Variants in TYW1 observed in about 807,000 individuals in gnomAD.
TYW1 encodes the protein S-adenosyl-L-methionine-dependent tRNA 4-demethylwyosine synthase TYW1.
In TYW1, 46 loss-of-function variants were observed where a neutral mutation model predicts 96.2. That is an observed-to-expected ratio of 0.48 (90% CI 0.38 to 0.61). The LOEUF is 0.61. Ranked by LOEUF, TYW1 falls within the 20% of genes least tolerant of loss-of-function variation. The pLI, the probability that TYW1 is intolerant of heterozygous loss-of-function variation, is 0.00. For missense variants in TYW1, 684 were observed against 909.6 expected, an observed-to-expected ratio of 0.75 and a Z score of 3.19; for synonymous variants, 274 against 323.0, an observed-to-expected ratio of 0.85 and a Z score of 1.63.
At chr7:67,111,529 A>G (rs957884849) in intron 12 of TYW1, among the ~76,000 whole-genome samples, 2 of 152,218 alleles carry the variant, frequency 1.3e-5, no homozygotes, top group Admixed American at 1.3e-4. Context: ...AAACAAAAGT[A>G]TGAAAATGAT....
At position 67,208,467 on chromosome 7, in the gene TYW1, G is replaced by A. The variant is rs184056112; in HGVS notation, c.1977+13130G>A. ...AGCACTTTGGGAGGCCGAGGTGGGC[G>A]GATCATGAGGTCAGAAGTTCGAGAC... On this transcript the variant is annotated intron_variant, in intron 15 of 15. Coordinates refer to ENST00000359626, the MANE Select transcript of TYW1 (RefSeq NM_018264.4). Among the ~76,000 whole-genome samples, 544 of 152,162 alleles carry A rather than the reference G, an allele frequency of 3.6e-3. 2 individuals are homozygous for A. The highest frequency in any genetic ancestry group is 0.012 in the African/African-American group (512 of 41,498).
chr7:67,095,482 T>G (rs958797234), intron 11 of TYW1, among the ~76,000 whole-genome samples: 24 of 132,582 alleles, frequency 1.8e-4, no homozygotes, highest in African/African-American at 6.5e-4. Flanking sequence ...AAACCCCATC[T>G]CTACTAAAAA....
chr7:67,136,505 T>A (rs1798258884), intron 13 of TYW1, among the ~76,000 whole-genome samples: 1 of 151,744 alleles, frequency 6.6e-6, no homozygotes, highest in Non-Finnish European at 1.5e-5. Context: ...AGAAGAAAAT[T>A]GTTTTGTATT....
chr7:67,185,662 A>T (rs1431046368), intron 14 of TYW1, among the ~76,000 whole-genome samples: 1 of 151,850 alleles, frequency 6.6e-6, no homozygotes, highest in African/African-American at 2.4e-5. Context: ...TAAATTTGAG[A>T]TATCTTTTAA....
chr7:67,047,701 T>A (rs945896671), intron 7 of TYW1, among the ~76,000 whole-genome samples: 5 of 151,408 alleles, frequency 3.3e-5, no homozygotes, highest in Non-Finnish European at 5.9e-5. Context: ...TTCACTGATC[T>A]CCTATTTCAG....
chr7:67,131,321 A>T (rs1798066942), intron 13 of TYW1, among the ~76,000 whole-genome samples: 1 of 152,202 alleles, frequency 6.6e-6, no homozygotes, highest in Non-Finnish European at 1.5e-5. Context: ...GATGCCCTCT[A>T]TTGTCATTTT....
intron 7 of TYW1, among the ~76,000 whole-genome samples, chr7:67,042,103 G>T (rs1795048151): frequency 6.9e-6 from 1 of 145,624 alleles, no homozygotes; most frequent in Non-Finnish European, 1.5e-5. Flanking sequence ...TATATAATTA[G>T]AATTAGAATA....
chr7:67,039,633 A>G (rs1346476079), intron 7 of TYW1, among the ~76,000 whole-genome samples: 3 of 151,964 alleles, frequency 2.0e-5, no homozygotes, highest in Non-Finnish European at 1.5e-5. Flanking sequence ...AAAGCCCGAC[A>G]GACATTGAAA....
intron 15 of TYW1, among the ~76,000 whole-genome samples, chr7:67,205,562 C>G (rs118029379): frequency 0.026 from 3,894 of 151,634 alleles, 76 homozygotes; most frequent in Middle Eastern, 0.037. Context: ...AGGAGGAGGG[C>G]AGGATTCCCC....
rs561054991 is a variant in TYW1, at chr7:67,018,881, G to A, written c.861+738G>A. Among the ~76,000 whole-genome samples the A allele has an allele frequency of 4.6e-5, 7 of 150,702 alleles. 1 individual carries two copies. Among genetic ancestry groups the A allele is most frequent in the South Asian group, 4.2e-4 (2 of 4,710 alleles). On this transcript the variant is annotated intron_variant, in intron 6 of 15. Coordinates refer to ENST00000359626, the MANE Select transcript of TYW1 (RefSeq NM_018264.4). ...TGAGGCACGAGAATCGCTTGAACCC[G>A]GGAGGTGGAGGTTCCAGTGATCTGA... is the stretch of plus-strand genomic sequence containing the variant.
At chr7:67,127,040 G>A (rs10240815) in intron 13 of TYW1, among the ~76,000 whole-genome samples, 42,052 of 149,174 alleles carry the variant, frequency 0.28, 6,665 homozygotes, top group African/African-American at 0.44. Flanking sequence ...TTCACTTGTT[G>A]TTTTTTTAGT....
intron 13 of TYW1, among the ~76,000 whole-genome samples, chr7:67,124,641 T>C (rs1361358021): frequency 6.6e-6 from 1 of 152,192 alleles, no homozygotes; most frequent in Non-Finnish European, 1.5e-5. Context: ...TTTGCTTGTT[T>C]TTTAACTTTA....
intron 7 of TYW1, among the ~76,000 whole-genome samples, chr7:67,040,849 AAAAAAG>A: frequency 6.6e-6 from 1 of 152,122 alleles, no homozygotes; most frequent in African/African-American, 2.4e-5. Flanking sequence ...ATCTCAAAAA[AAAAAAG>A]AAAAAGAATT....
intron 13 of TYW1, among the ~76,000 whole-genome samples, chr7:67,175,792 T>A (rs1799654048): frequency 1.3e-5 from 2 of 152,364 alleles, no homozygotes; most frequent in Non-Finnish European, 2.9e-5. Flanking sequence ...TAATCTGATA[T>A]ATTTACCCAT....
intron 13 of TYW1, among the ~76,000 whole-genome samples, chr7:67,156,307 A>G (rs999984805): frequency 1.3e-5 from 2 of 152,240 alleles, no homozygotes; most frequent in Non-Finnish European, 2.9e-5. Context: ...CCTGGGAGAC[A>G]CGCAGGTGGT....
intron 13 of TYW1, among the ~76,000 whole-genome samples, chr7:67,161,153 A>G (rs1799153382): frequency 6.6e-6 from 1 of 152,252 alleles, no homozygotes; most frequent in Non-Finnish European, 1.5e-5. Flanking sequence ...GTTTTCTAGC[A>G]TAAAATACAT....
chr7:67,150,690 CAACT>C (rs1798766973), intron 13 of TYW1, among the ~76,000 whole-genome samples: 1 of 152,054 alleles, frequency 6.6e-6, no homozygotes, highest in Admixed American at 6.6e-5. Context: ...TTCTTTCTTG[CAACT>C]AAAATTTCAG....
intron 15 of TYW1, among the ~76,000 whole-genome samples, chr7:67,231,146 A>C (rs1801739673): frequency 6.6e-6 from 1 of 152,098 alleles, no homozygotes; most frequent in Non-Finnish European, 1.5e-5. Flanking sequence ...ATTTGTTTCC[A>C]GTGCCACCTT....
intron 13 of TYW1, among the ~76,000 whole-genome samples, chr7:67,150,852 AG>A (rs1798773017): frequency 6.7e-6 from 1 of 149,616 alleles, no homozygotes; most frequent in Non-Finnish European, 1.5e-5. Context: ...CAAGAAACCC[AG>A]ATAATTTCGT....
Sources: gnomAD v4.1 joint callset for allele counts (sites outside exome capture counted in the v4.1 genomes callset) on GRCh38, gnomAD v4.1.1 for gene constraint, MANE v1.5 for transcripts, NCBI Gene and HGNC (gene_info 2026-07-23, HGNC 2026-07-21) for gene names.